Variants in FXR1 observed in about 807,000 individuals in gnomAD.
FXR1 encodes the protein RNA-binding protein FXR1.
In FXR1, 15 loss-of-function variants were observed where a neutral mutation model predicts 84.0. That is an observed-to-expected ratio of 0.18 (90% CI 0.12 to 0.27). The LOEUF is 0.27. Among genes scored for constraint, FXR1 ranks in the 10% least tolerant of loss-of-function variants. The pLI is 1.00. For synonymous variants in FXR1, 245 were observed against 250.7 expected (o/e 0.98, Z 0.21); for missense variants, 480 against 774.4 (o/e 0.62, Z 4.51).
At chr3:180,949,679 T>A (rs1409235157) in intron 7 of FXR1, among the ~76,000 whole-genome samples, 2 of 152,202 alleles carry the variant, frequency 1.3e-5, no homozygotes, top group Non-Finnish European at 2.9e-5. Flanking sequence ...CCACCGAACC[T>A]GGCCCCCATT....
chr3:180,980,594 C>G lies in FXR1; in HGVS notation c.*4302C>G, dbSNP rs1714563300. The G allele has an allele frequency of 6.6e-6, 1 of 151,904 alleles. No individual in the cohort carries two copies. Among genetic ancestry groups the G allele is most frequent in the Non-Finnish European group, 1.5e-5 (1 of 67,886 alleles). The allele number at this position is 151,904 out of a possible 1,614,324, so 9.4% of individuals were successfully genotyped here. A position where few individuals can be genotyped will look rare whatever the true frequency, so the allele number is the denominator to read the frequency against. On this transcript the variant is annotated 3_prime_UTR_variant, in exon 17 of 17. Coordinates refer to ENST00000357559, the MANE Select transcript of FXR1 (RefSeq NM_005087.4). ...CTTTTTCAGCTAACTTGGCTGTCTT[C>G]AGGTTGTAAAGAAAAATGTAAACAT...
intron 1 of FXR1, among the ~76,000 whole-genome samples, chr3:180,926,506 A>ATATATATATAT (rs72192827): frequency 5.4e-4 from 67 of 124,354 alleles, no homozygotes; most frequent in Non-Finnish European, 7.2e-4. Context: ...ATATATATAT[A>ATATATATATAT]TTTTTTTTTC....
intron 3 of FXR1, among the ~76,000 whole-genome samples, chr3:180,938,429 G>A (rs1400901914): frequency 6.6e-6 from 1 of 152,196 alleles, no homozygotes; most frequent in Admixed American, 6.5e-5. Flanking sequence ...AGTAGTATGG[G>A]AACATCACTT....
At chr3:180,924,701 AGGTTGGTCT>A (rs1718966749) in intron 1 of FXR1, among the ~76,000 whole-genome samples, 1 of 152,030 alleles carries the variant, frequency 6.6e-6, no homozygotes, top group African/African-American at 2.4e-5. Flanking sequence ...CATGTTGGCC[AGGTTGGTCT>A]CAAACTCCTG....
At chr3:180,955,121 A>G (rs1161706811) in intron 9 of FXR1, among the ~76,000 whole-genome samples, 1 of 151,684 alleles carries the variant, frequency 6.6e-6, no homozygotes, top group East Asian at 1.9e-4. Context: ...CAGCCTCCCA[A>G]GTAGCTGGGA....
At chr3:180,929,120 C>T (rs865860156) in intron 1 of FXR1, among the ~76,000 whole-genome samples, 8 of 152,102 alleles carry the variant, frequency 5.3e-5, no homozygotes, top group Non-Finnish European at 1.0e-4. Context: ...GGGGTTTCTC[C>T]GTTTTGGTCA....
chr3:180,915,479 AATTTT>A (rs1437587819), intron 1 of FXR1: 3 of 1,454,616 alleles, frequency 2.1e-6, no homozygotes, highest in Non-Finnish European at 2.8e-6. Context: ...GAAGCAATTT[AATTTT>A]AATTAGTTTT....
intron 1 of FXR1, chr3:180,915,104 A>G (rs1378627811): frequency 3.4e-5 from 7 of 204,896 alleles, no homozygotes; most frequent in Admixed American, 1.2e-4. Flanking sequence ...TTTTTATCCT[A>G]TTAAACTGCT....
intron 3 of FXR1, among the ~76,000 whole-genome samples, chr3:180,942,026 A>G (rs1721180194): frequency 6.6e-6 from 1 of 152,200 alleles, no homozygotes; most frequent in Non-Finnish European, 1.5e-5. Flanking sequence ...TAGTTAATTT[A>G]CTGAAGACTG....
At chr3:180,913,169 C>T (rs572909011) in intron 1 of FXR1, among the ~76,000 whole-genome samples, 2 of 152,290 alleles carry the variant, frequency 1.3e-5, no homozygotes, top group East Asian at 3.9e-4. Context: ...TCAGCCCGCT[C>T]CTCCGACCCC....
intron 3 of FXR1, among the ~76,000 whole-genome samples, chr3:180,938,988 C>T (rs1005019902): frequency 8.6e-5 from 13 of 152,010 alleles, no homozygotes; most frequent in African/African-American, 2.7e-4. Flanking sequence ...CTCCACCTCC[C>T]GATTTTAAGT....
In FXR1 at chr3:180,963,071, T is replaced by C; in HGVS notation, c.1179T>C (p.Pro393=). Reference sequence around the variant, plus strand: ...GAAGAGGCAGAGGTCGTCGGGGACCTAATTACACCTCCGGTTATGGTAAAA... The same window carrying C: ...GAAGAGGCAGAGGTCGTCGGGGACCCAATTACACCTCCGGTTATGGTAAAA... ...YSGRGRGRRG[P]NYTSGYGTNS... The change falls in exon 13 of 17, where the codon CCT becomes CCC. Residue 393 remains proline (P), a synonymous_variant. Coordinates refer to ENST00000357559, the MANE Select transcript of FXR1 (RefSeq NM_005087.4). The C allele has an allele frequency of 6.5e-7, 1 of 1,535,312 alleles. No homozygotes were observed. Among genetic ancestry groups the C allele is most frequent in the Non-Finnish European group, 9.0e-7 (1 of 1,113,506 alleles).
At chr3:180,924,583 G>T (rs555999395) in intron 1 of FXR1, among the ~76,000 whole-genome samples, 1 of 152,200 alleles carries the variant, frequency 6.6e-6, no homozygotes, top group Non-Finnish European at 1.5e-5. Flanking sequence ...TGAATAGTTG[G>T]AAGTTGGGTT....
intron 2 of FXR1, among the ~76,000 whole-genome samples, chr3:180,934,180 G>T (rs1720270187): frequency 6.6e-6 from 1 of 152,152 alleles, no homozygotes; most frequent in Admixed American, 6.5e-5. Flanking sequence ...GCTGTTTCTG[G>T]AATTGCCTGA....
chr3:180,981,267 A>C lies in FXR1; in HGVS notation c.*4975A>C, dbSNP rs892566527. 2.0e-5 allele frequency: 3 copies of C among 151,984 alleles called. No individual in the cohort carries two copies. The highest frequency in any genetic ancestry group is 7.2e-5 in the African/African-American group (3 of 41,410). The allele number at this position is 151,984 out of a possible 1,614,324, so 9.4% of individuals were successfully genotyped here. The stretch of plus-strand genomic sequence containing the variant: ...TACTAGGTTTTCTTTACGGGGGGGC[A>C]TACATATTCAGTATACTGAATTTAT... On this transcript the variant is annotated 3_prime_UTR_variant, in exon 17 of 17. Transcript: ENST00000357559.
chr3:180,915,343 A>T, intron 1 of FXR1: 1 of 575,248 alleles, frequency 1.7e-6, no homozygotes, highest in Non-Finnish European at 3.0e-6. Context: ...TTTTCAGTCA[A>T]CCATTCCTCA....
In FXR1 at chr3:180,979,766, G is replaced by A. The variant is rs1208311221; in HGVS notation, c.*3474G>A. 2 of 151,980 alleles carry A rather than the reference G, an allele frequency of 1.3e-5. No homozygotes were observed. The highest frequency in any genetic ancestry group is 2.9e-5 in the Non-Finnish European group (2 of 67,938). The allele number at this position is 151,980 out of a possible 1,614,324, so 9.4% of individuals were successfully genotyped here. On this transcript the variant is annotated 3_prime_UTR_variant, in exon 17 of 17. Coordinates refer to ENST00000357559, the MANE Select transcript of FXR1 (RefSeq NM_005087.4). ...TGAACAGTAGGAAATTACCACTTTT[G>A]TAAGGCTCAAAAATGATCAACTATT... is the stretch of plus-strand genomic sequence containing the variant.
At chr3:180,919,502 T>G (rs1017226604) in intron 1 of FXR1, among the ~76,000 whole-genome samples, 2 of 151,966 alleles carry the variant, frequency 1.3e-5, no homozygotes, top group Non-Finnish European at 2.9e-5. Flanking sequence ...CCGGCTGGTT[T>G]CGAACTCCTA....
Position 180,961,532 on chromosome 3 carries a change from A to T in FXR1, c.1055A>T (p.Glu352Val), listed in dbSNP as rs947174610. The T allele has an allele frequency of 2.6e-6, 4 of 1,522,850 alleles. No homozygotes were observed. Among genetic ancestry groups the T allele is most frequent in the Non-Finnish European group, 3.6e-6 (4 of 1,097,502 alleles). The allele number at this position is 1,522,850 out of a possible 1,614,324, so 94.3% of individuals were successfully genotyped here. Reference sequence around the variant, plus strand: ...ATTGGAAATGTGCAGGTTCTTCTAGAGTATCATATTGCCTATCTAAAGGTT... The same window carrying T: ...ATTGGAAATGTGCAGGTTCTTCTAGTGTATCATATTGCCTATCTAAAGGTT... ...ESIGNVQVLL[E>V]YHIAYLKEVE... is the part of the protein sequence containing the mutation. The change falls in exon 11 of 17, where the codon GAG (glutamate) becomes GTG (valine). Residue 352 changes from glutamate to valine, a missense_variant. By Grantham distance (121) the Glu-to-Val change is moderately radical. Coordinates refer to ENST00000357559, the MANE Select transcript of FXR1 (RefSeq NM_005087.4).
Sources: gnomAD v4.1 joint callset for allele counts (sites outside exome capture counted in the v4.1 genomes callset) on GRCh38, gnomAD v4.1.1 for gene constraint, MANE v1.5 for transcripts, NCBI Gene and HGNC (gene_info 2026-07-23, HGNC 2026-07-21) for gene names.